DLGAP4: variants seen among roughly 807,000 people sequenced by gnomAD.
The protein encoded by DLGAP4 is disks large-associated protein 4.
DLGAP4 carries 18 observed loss-of-function variants against 86.9 expected under a neutral mutation model. That is an observed-to-expected ratio of 0.21 (90% CI 0.14 to 0.31). The LOEUF (loss-of-function observed/expected upper bound fraction) is 0.31. DLGAP4 is among the 10% of genes least tolerant of loss of function. DLGAP4 has a pLI of 1.00. For synonymous variants in DLGAP4, 548 were observed against 574.3 expected, an observed-to-expected ratio of 0.95 and a Z score of 0.65; for missense variants, 1,085 against 1,362.6, an observed-to-expected ratio of 0.80 and a Z score of 3.21.
intron 1 of DLGAP4, among the ~76,000 whole-genome samples, chr20:36,312,321 A>G (rs1460167267): frequency 2.0e-5 from 3 of 152,168 alleles, no homozygotes; most frequent in Non-Finnish European, 2.9e-5. Flanking sequence ...GAAAAGGTAG[A>G]GCCCTCAATA....
chr20:36,512,899 G>T (rs996283280), intron 10 of DLGAP4, among the ~76,000 whole-genome samples: 2 of 148,078 alleles, frequency 1.4e-5, no homozygotes, highest in African/African-American at 2.5e-5. Context: ...GTCAGACTGG[G>T]GGCATCTCAG....
At chr20:36,462,663 C>G in intron 7 of DLGAP4, 1 of 1,546,198 alleles carries the variant, frequency 6.5e-7, no homozygotes, top group Non-Finnish European at 8.7e-7. Flanking sequence ...GCCGAGGCTC[C>G]ATGGGGTTGG....
At chr20:36,498,190 A>G (rs1261851554) in intron 8 of DLGAP4, 1 of 152,228 alleles carries the variant, frequency 6.6e-6, no homozygotes, top group Non-Finnish European at 1.5e-5. Context: ...AATTTCTTGC[A>G]GTTGCCTGTA....
At chr20:36,450,275 A>C (rs2033701418) in intron 7 of DLGAP4, among the ~76,000 whole-genome samples, 2 of 152,192 alleles carry the variant, frequency 1.3e-5, no homozygotes, top group Admixed American at 6.5e-5. Flanking sequence ...AGGCAGGTGG[A>C]TCACTTGAGG....
At chr20:36,345,611 G>A (rs964999050) in intron 1 of DLGAP4, among the ~76,000 whole-genome samples, 2 of 152,310 alleles carry the variant, frequency 1.3e-5, no homozygotes, top group African/African-American at 2.4e-5. Flanking sequence ...TGCCTATGGC[G>A]AATGTACAGC....
chr20:36,383,729 A>G, intron 2 of DLGAP4, among the ~76,000 whole-genome samples: 1 of 152,088 alleles, frequency 6.6e-6, no homozygotes, highest in East Asian at 1.9e-4. Flanking sequence ...TAATCCCAGC[A>G]CTTTGGGAGG....
rs772768118 is a variant in DLGAP4 at position 36,436,311 on chromosome 20, C to T, written c.1202C>T (p.Ala401Val). ...GCGCGGCGCCAGAGCTATCTGAGGGCCACGCAGCAGTCGCTGGGAGAGCAG... is the reference window on the plus strand; with the variant it reads ...GCGCGGCGCCAGAGCTATCTGAGGGTCACGCAGCAGTCGCTGGGAGAGCAG... ...TAARRQSYLR[A>V]TQQSLGEQSN... Residue 401 changes from alanine to valine, a missense_variant, in exon 4 of 13, where the codon GCC (alanine) becomes GTC (valine). Physicochemically the swap from Ala to Val is moderately conservative, Grantham distance 64. Around this residue, in one of 2 missense-constraint regions of DLGAP4, gnomAD observed 1,082 missense variants for 1,344.1 expected, o/e 0.81. Coordinates refer to ENST00000339266, the MANE Select transcript of DLGAP4 (RefSeq NM_001365621.2). 1.2e-6 allele frequency: 2 copies of T among 1,603,364 alleles called. No individual in the cohort carries two copies. The highest frequency in any genetic ancestry group is 2.2e-5 in the East Asian group (1 of 44,768).
chr20:36,474,595 A>T (rs1287082287), intron 7 of DLGAP4, among the ~76,000 whole-genome samples: 1 of 152,208 alleles, frequency 6.6e-6, no homozygotes, highest in East Asian at 1.9e-4. Flanking sequence ...ATGCAGTAAT[A>T]GGAGTTGTCT....
intron 7 of DLGAP4, among the ~76,000 whole-genome samples, chr20:36,484,709 C>T (rs6068398): frequency 0.1 from 15,352 of 152,302 alleles, 982 homozygotes; most frequent in Non-Finnish European, 0.15. Flanking sequence ...CCTGCCTTTC[C>T]GAGAGGAGGC....
intron 3 of DLGAP4, among the ~76,000 whole-genome samples, chr20:36,433,801 G>C (rs969814459): frequency 6.6e-6 from 1 of 151,616 alleles, no homozygotes; most frequent in Non-Finnish European, 1.5e-5. Context: ...ACAGGCACCC[G>C]CCACCATGCC....
At chr20:36,525,753 G>A (rs1309997602) in intron 11 of DLGAP4, 98 bp from the exon 12 acceptor site, 2 of 1,537,666 alleles carry the variant, frequency 1.3e-6, no homozygotes, top group African/African-American at 2.7e-5. Context: ...CCCCGCGGGT[G>A]CTGGCAGGGC....
At chr20:36,355,298 C>CTTTCT (rs782576827) in intron 1 of DLGAP4, among the ~76,000 whole-genome samples, 1 of 135,100 alleles carries the variant, frequency 7.4e-6, no homozygotes, top group Non-Finnish European at 1.6e-5. Flanking sequence ...TTCTTTCTTT[C>CTTTCT]TTTTTTTTTT....
intron 2 of DLGAP4, among the ~76,000 whole-genome samples, chr20:36,409,892 G>T (rs2032445551): frequency 6.6e-6 from 1 of 151,160 alleles, no homozygotes; most frequent in South Asian, 2.1e-4. Flanking sequence ...AAATTAGCCG[G>T]GTATGGTGGC....
intron 12 of DLGAP4, 136 bp from the exon 13 acceptor site, chr20:36,526,677 C>G: frequency 2.6e-6 from 2 of 783,076 alleles, no homozygotes; most frequent in Admixed American, 2.9e-5. Flanking sequence ...TTCCTGATTC[C>G]AAGTGTGTGT....
rs868972239 is a variant in DLGAP4 at position 36,306,957 on chromosome 20, C to T, written c.-304+445C>T. 1.2e-4 allele frequency among the ~76,000 whole-genome samples: 18 copies of T among 152,296 alleles called. No homozygotes were observed. Among genetic ancestry groups the T allele is most frequent in the Middle Eastern group, 3.4e-3 (1 of 294 alleles). On this transcript the variant is annotated intron_variant, in intron 1 of 12. Transcript: ENST00000339266. This position sits in a 1 kb window ranked among gnomAD's most constrained non-coding sequence, Gnocchi z 4.9. ...GCGGACCCCTCCCGTGCCCGGCCAACCTTGGCGCTTGGGAGAGCAGGGCTA... is the reference window on the plus strand; with the variant it reads ...GCGGACCCCTCCCGTGCCCGGCCAATCTTGGCGCTTGGGAGAGCAGGGCTA...
intron 1 of DLGAP4, among the ~76,000 whole-genome samples, chr20:36,334,830 A>G (rs1461788701): frequency 6.6e-6 from 1 of 152,078 alleles, no homozygotes; most frequent in Non-Finnish European, 1.5e-5. Context: ...TCGCCGGCAC[A>G]GGGTGGTCCC....
chr20:36,388,621 C>T (rs1442263917), intron 2 of DLGAP4, among the ~76,000 whole-genome samples: 2 of 152,188 alleles, frequency 1.3e-5, no homozygotes, highest in Non-Finnish European at 2.9e-5. Context: ...AGAATTCCTG[C>T]TCACTTACCT....
intron 1 of DLGAP4, among the ~76,000 whole-genome samples, chr20:36,315,783 C>T (rs1044658742): frequency 1.1e-3 from 160 of 152,248 alleles, no homozygotes; most frequent in Non-Finnish European, 1.9e-3. Context: ...CTCTCCTGGC[C>T]GACCACTCCC....
At chr20:36,436,012 G>T in intron 3 of DLGAP4, 97 bp from the exon 4 acceptor site, 1 of 1,421,130 alleles carries the variant, frequency 7.0e-7, no homozygotes, top group Non-Finnish European at 9.2e-7. Flanking sequence ...CCCGAATTCT[G>T]CAGGGAACGA....
Sources: allele counts gnomAD v4.1 joint callset (sites outside exome capture counted in the v4.1 genomes callset), GRCh38; gene constraint gnomAD v4.1.1; regional missense constraint gnomAD v4.1.1; non-coding constraint Gnocchi (gnomAD v3.1); transcripts MANE v1.5; gene names NCBI Gene and HGNC (gene_info 2026-07-23, HGNC 2026-07-21).